Variants in ARHGAP42 observed in about 807,000 individuals in gnomAD.
ARHGAP42 encodes rho GTPase-activating protein 42.
ARHGAP42 carries 63 observed loss-of-function variants against 125.0 expected under a neutral mutation model. That is an observed-to-expected ratio of 0.50 (90% CI 0.41 to 0.62). The LOEUF (loss-of-function observed/expected upper bound fraction) is 0.62, where lower values mean the gene tolerates loss of function less well. Among genes scored for constraint, ARHGAP42 ranks in the 20% least tolerant of loss-of-function variants. ARHGAP42 has a pLI of 0.00. For synonymous variants in ARHGAP42, 339 were observed against 351.0 expected (o/e 0.97, Z 0.38); for missense variants, 766 against 1,024.2 (o/e 0.75, Z 3.44).
intron 3 of ARHGAP42, among the ~76,000 whole-genome samples, chr11:100,828,306 T>A (rs988138465): frequency 9.9e-5 from 15 of 152,146 alleles, no homozygotes; most frequent in Admixed American, 7.2e-4. Flanking sequence ...GGAAGAACTC[T>A]TGTGGTTTTG....
chr11:100,901,541 G>A (rs1389021256), intron 4 of ARHGAP42, among the ~76,000 whole-genome samples: 3 of 152,174 alleles, frequency 2.0e-5, no homozygotes, highest in Admixed American at 1.3e-4. Context: ...GGAGGCAGTA[G>A]ACCTTGGTGA....
intron 2 of ARHGAP42, among the ~76,000 whole-genome samples, chr11:100,791,654 A>C (rs1863570603): frequency 6.6e-6 from 1 of 151,982 alleles, no homozygotes; most frequent in East Asian, 1.9e-4. Context: ...ACCCAGTCGT[A>C]ATTTTTTGAA....
chr11:100,745,083 G>T (rs754501164), intron 1 of ARHGAP42, among the ~76,000 whole-genome samples: 5 of 151,534 alleles, frequency 3.3e-5, no homozygotes, highest in African/African-American at 4.9e-5. Context: ...CAAGAAATCG[G>T]AATGAGTCAG....
intron 21 of ARHGAP42, 114 bp from the exon 22 acceptor site, chr11:100,978,873 G>A (rs1858459263): frequency 1.1e-6 from 1 of 939,536 alleles, no homozygotes; most frequent in Non-Finnish European, 1.6e-6. Context: ...TTCTAATTTT[G>A]GCAATGGTTC....
At position 100,770,392 on chromosome 11, in the gene ARHGAP42, G is replaced by C; in HGVS notation, c.204G>C (p.Gln68His). The change falls in exon 2 of 24, where the codon CAG becomes CAC. Residue 68 changes from glutamine to histidine, a missense_variant. Around this residue, in one of 3 missense-constraint regions of ARHGAP42, gnomAD observed 455 missense variants for 636.5 expected, o/e 0.71. Transcript: ENST00000298815. ...TTTCCCAGTCATTGCAAGATTTCCA[G>C]TTTGAATGTATTGGTGATGCTGAAA... Reference protein sequence around the residue: ...QKFSQSLQDFQFECIGDAETD... With the variant: ...QKFSQSLQDFHFECIGDAETD... 1 of 1,550,708 alleles carries C rather than the reference G, an allele frequency of 6.4e-7. No individual in the cohort carries two copies. Among genetic ancestry groups the C allele is most frequent in the Non-Finnish European group, 8.7e-7 (1 of 1,146,620 alleles).
At chr11:100,728,204 A>C (rs1176999081) in intron 1 of ARHGAP42, among the ~76,000 whole-genome samples, 1 of 152,196 alleles carries the variant, frequency 6.6e-6, no homozygotes, top group Non-Finnish European at 1.5e-5. Flanking sequence ...ACCTCTCAAC[A>C]GCAAGCCTGC....
intron 3 of ARHGAP42, among the ~76,000 whole-genome samples, chr11:100,850,372 G>T (rs1233631939): frequency 3.3e-5 from 5 of 152,122 alleles, no homozygotes; most frequent in Admixed American, 1.3e-4. Flanking sequence ...GTAAGCATCT[G>T]TGTATCTAAA....
intron 1 of ARHGAP42, among the ~76,000 whole-genome samples, chr11:100,735,783 CATTTTTAGTAGAGATGGG>C (rs1186497401): frequency 2.0e-5 from 3 of 151,554 alleles, no homozygotes; most frequent in Non-Finnish European, 4.4e-5. Context: ...TAATTTTTTG[CATTTTTAGTAGAGATGGG>C]ATTTCACTGT....
intron 1 of ARHGAP42, among the ~76,000 whole-genome samples, chr11:100,755,319 G>T (rs916100135): frequency 1.3e-5 from 2 of 152,186 alleles, no homozygotes; most frequent in Admixed American, 1.3e-4. Context: ...AATGGGCTGG[G>T]TCCCTGCACT....
Position 100,965,729 on chromosome 11 carries a change from G to A in ARHGAP42, c.1503G>A (p.Pro501=), listed in dbSNP as rs372310082. Residue 501 remains proline, a synonymous_variant, in exon 17 of 24, where the codon CCG becomes CCA. Transcript: ENST00000298815. ...TACATGCATTGGTGCACAAATTGCC[G>A]GAGAAAAACAGAGAGATGCTGGACA... is the stretch of plus-strand genomic sequence containing the variant. ...EAVHALVHKL[P]EKNREMLDIL... is the part of the protein sequence containing the mutation. 2.2e-4 allele frequency: 346 copies of A among 1,551,044 alleles called. No homozygotes were observed. The highest frequency in any genetic ancestry group is 7.3e-4 in the East Asian group (30 of 40,896).
intron 10 of ARHGAP42, among the ~76,000 whole-genome samples, chr11:100,945,285 C>T (rs1349022255): frequency 2.6e-5 from 4 of 152,030 alleles, no homozygotes; most frequent in African/African-American, 7.2e-5. Context: ...CAGTAACTTC[C>T]TCCACTGAAG....
intron 1 of ARHGAP42, among the ~76,000 whole-genome samples, chr11:100,727,017 G>A (rs1489376772): frequency 1.3e-5 from 2 of 152,128 alleles, no homozygotes; most frequent in Non-Finnish European, 1.5e-5. Context: ...GTTCTTGCTG[G>A]TTACAATTCC....
chr11:100,761,361 G>T (rs550363902), intron 1 of ARHGAP42, among the ~76,000 whole-genome samples: 2 of 152,308 alleles, frequency 1.3e-5, no homozygotes, highest in East Asian at 3.9e-4. Flanking sequence ...TGTTGAGGCA[G>T]AAGGAGACTC....
intron 1 of ARHGAP42, among the ~76,000 whole-genome samples, chr11:100,769,076 G>A (rs1366655018): frequency 6.6e-6 from 1 of 152,176 alleles, no homozygotes; most frequent in Non-Finnish European, 1.5e-5. Context: ...GAGTACTGTA[G>A]GCAGTTGTAA....
At chr11:100,740,746 T>A (rs1419069781) in intron 1 of ARHGAP42, among the ~76,000 whole-genome samples, 1 of 152,176 alleles carries the variant, frequency 6.6e-6, no homozygotes, top group Non-Finnish European at 1.5e-5. Flanking sequence ...TGTTGTTGAG[T>A]GTCAGATTTT....
In ARHGAP42 at chr11:100,841,915, T is replaced by C. The variant is rs1380086722; in HGVS notation, c.313-17639T>C. ...TTTCTTTGTGGCTCCTGTCATTATC[T>C]GATATTATCTTGTTTATTTTTGGCT... On this transcript the variant is annotated intron_variant, in intron 3 of 23. Coordinates refer to ENST00000298815, the MANE Select transcript of ARHGAP42 (RefSeq NM_152432.4). Among the ~76,000 whole-genome samples the C allele has an allele frequency of 2.0e-5, 3 of 152,246 alleles. No homozygotes were observed. In the East Asian group the frequency reaches 5.8e-4, roughly 29 times the overall value.
intron 1 of ARHGAP42, among the ~76,000 whole-genome samples, chr11:100,695,766 A>G (rs1239792677): frequency 6.6e-6 from 1 of 152,232 alleles, no homozygotes; most frequent in East Asian, 1.9e-4. Context: ...GAATTGTGGA[A>G]TAATAGTAAT....
chr11:100,934,025 G>T (rs1867658971), intron 7 of ARHGAP42, among the ~76,000 whole-genome samples: 1 of 152,096 alleles, frequency 6.6e-6, no homozygotes, highest in Non-Finnish European at 1.5e-5. Flanking sequence ...GACCTCAGGT[G>T]ATCCACCCGC....
At chr11:100,832,028 G>C (rs529751) in intron 3 of ARHGAP42, among the ~76,000 whole-genome samples, 127,250 of 152,264 alleles carry the variant, frequency 0.84, 53,630 homozygotes, top group East Asian at 0.96. Context: ...CACTGGGTCT[G>C]TTTCCCCTTG....
Sources: gnomAD v4.1 joint callset for allele counts (sites outside exome capture counted in the v4.1 genomes callset) on GRCh38, gnomAD v4.1.1 for gene constraint, gnomAD v4.1.1 regional missense constraint, MANE v1.5 for transcripts, NCBI Gene and HGNC (gene_info 2026-07-23, HGNC 2026-07-21) for gene names.